LRIG1: variants seen among roughly 807,000 people sequenced by gnomAD.
The protein encoded by LRIG1 is leucine-rich repeats and immunoglobulin-like domains protein 1.
LRIG1 carries 48 observed loss-of-function variants against 99.2 expected under a neutral mutation model. That is an observed-to-expected ratio of 0.48 (90% CI 0.38 to 0.62). The LOEUF is 0.62. Among genes scored for constraint, LRIG1 ranks in the 20% least tolerant of loss-of-function variants. The probability of loss-of-function intolerance (pLI) is 0.00; values close to 1 mark genes in which losing one functional copy is unlikely to be tolerated. For synonymous variants in LRIG1, 772 were observed against 596.1 expected (o/e 1.29, Z -4.30); for missense variants, 1,646 against 1,434.4 (o/e 1.15, Z -2.38).
At chr3:66,436,783 A>G (rs999078201) in intron 3 of LRIG1, among the ~76,000 whole-genome samples, 12 of 152,124 alleles carry the variant, frequency 7.9e-5, no homozygotes, top group African/African-American at 2.7e-4. Flanking sequence ...AGTGGATTTT[A>G]TCATTCTCTA....
chr3:66,412,987 C>T lies in LRIG1; in HGVS notation c.675G>A (p.Leu225=). The T allele has an allele frequency of 6.2e-7, 1 of 1,614,244 alleles. No homozygotes were observed. The highest frequency in any genetic ancestry group is 8.5e-7 in the Non-Finnish European group (1 of 1,180,048). The stretch of plus-strand genomic sequence containing the variant: ...GCCCCTGGAAGGTGAGGCCCTCTAT[C>T]AGCCGAATCCTGTTCCGATTGAGGT... The part of the protein sequence containing the change: ...QLDLNRNRIR[L]IEGLTFQGLN... Residue 225 remains leucine, a synonymous_variant, in exon 6 of 19, where the codon CTG becomes CTA. Coordinates refer to ENST00000273261, the MANE Select transcript of LRIG1 (RefSeq NM_015541.3).
At position 66,383,110 on chromosome 3, in the gene LRIG1, T is replaced by C; in HGVS notation, c.2363A>G (p.Lys788Arg). The change falls in exon 15 of 19, where the codon AAG becomes AGG. Residue 788 changes from lysine to arginine, a missense_variant. Lys to Arg is a conservative substitution (Grantham distance 26). Transcript: ENST00000273261. The part of the protein sequence containing the change: ...LSVLPAAGCR[K>R]DGTTVGIFTI... ...GAAGATGCCTACCGTGGTCCCATCC[T>C]TCCTGCAGCCTGCTGCGGGCAGGAC... 1 of 1,614,240 alleles carries C rather than the reference T, an allele frequency of 6.2e-7. No homozygotes were observed. The highest frequency in any genetic ancestry group is 8.5e-7 in the Non-Finnish European group (1 of 1,180,028).
In LRIG1 at chr3:66,446,851, CAA is replaced by C. The variant is rs11365007; in HGVS notation, c.365+4706_365+4707del. Among the ~76,000 whole-genome samples, 8 of 125,922 alleles carry C rather than the reference CAA, an allele frequency of 6.4e-5. No homozygotes were observed. In the South Asian group the frequency reaches 7.4e-4, roughly 12 times the overall value. The allele number at this position is 125,922 out of a possible 152,430, so 82.6% of individuals were successfully genotyped here. ...TAACATGAGAGAAAAATGCTTTCCT[CAA>C]AAAAAAAAAAATTAGTTTTCAAATA... is the stretch of plus-strand genomic sequence containing the variant. On this transcript the variant is annotated intron_variant, in intron 3 of 18. Transcript: ENST00000273261.
chr3:66,464,554 T>C (rs1285851148), intron 1 of LRIG1, among the ~76,000 whole-genome samples: 1 of 152,098 alleles, frequency 6.6e-6, no homozygotes, highest in Non-Finnish European at 1.5e-5. Context: ...CAGGCCCCAT[T>C]TGGCTTGAGG....
chr3:66,472,301 C>A (rs1700615668), intron 1 of LRIG1, among the ~76,000 whole-genome samples: 1 of 52,230 alleles, frequency 1.9e-5, no homozygotes, highest in Non-Finnish European at 3.4e-5. Context: ...AAGACTCTGT[C>A]TCAAAAAAAA....
intron 1 of LRIG1, among the ~76,000 whole-genome samples, chr3:66,489,231 T>C (rs1701044764): frequency 1.3e-5 from 2 of 152,138 alleles, no homozygotes; most frequent in Non-Finnish European, 2.9e-5. Context: ...CACTCAGAAG[T>C]AGCAAACATT....
Position 66,417,145 on chromosome 3 carries a change from G to T in LRIG1, c.487C>A (p.Pro163Thr). The change falls in exon 4 of 19, where the codon CCG becomes ACG. Residue 163 changes from proline (P) to threonine (T), a missense_variant. Physicochemically the swap from Pro to Thr is conservative, Grantham distance 38. Coordinates refer to ENST00000273261, the MANE Select transcript of LRIG1 (RefSeq NM_015541.3). ...EVRNTCFPHG[P>T]PIKELNLAGN... The stretch of plus-strand genomic sequence containing the variant: ...GGCACTTACAGCTCCTTTATAGGCG[G>T]TCCGTGTGGAAAGCAGGTGTTCCGC... The T allele has an allele frequency of 6.2e-7, 1 of 1,614,148 alleles. No homozygotes were observed. Among genetic ancestry groups the T allele is most frequent in the Non-Finnish European group, 8.5e-7 (1 of 1,179,984 alleles).
chr3:66,431,587 C>T (rs1481698207), intron 3 of LRIG1, among the ~76,000 whole-genome samples: 1 of 152,200 alleles, frequency 6.6e-6, no homozygotes, highest in Non-Finnish European at 1.5e-5. Context: ...CCAAGTTCCA[C>T]AGGGACTGGT....
chr3:66,483,559 C>A (rs1700899546), intron 1 of LRIG1, among the ~76,000 whole-genome samples: 2 of 152,206 alleles, frequency 1.3e-5, no homozygotes. Context: ...TTGGCCTGGT[C>A]ATCCTTTTTG....
chr3:66,412,965 C>A lies in LRIG1; in HGVS notation c.697G>T (p.Gly233Trp), dbSNP rs780980307. ...IRLIEGLTFQGLNSLEVLKLQ... is the reference protein window; with the variant it reads ...IRLIEGLTFQWLNSLEVLKLQ... ...TTCAGCACCTCCAAGCTGTTGAGCC[C>A]CTGGAAGGTGAGGCCCTCTATCAGC... Residue 233 changes from glycine to tryptophan, a missense_variant, in exon 6 of 19, where the codon GGG becomes TGG. By Grantham distance (184) the Gly-to-Trp change is radical. Transcript: ENST00000273261. 5 of 1,614,090 alleles carry A rather than the reference C, an allele frequency of 3.1e-6. No individual in the cohort carries two copies. The African/African-American group carries it at 6.7e-5, about 22-fold the overall frequency.
chr3:66,438,482 G>A (rs1051849381), intron 3 of LRIG1, among the ~76,000 whole-genome samples: 35 of 152,136 alleles, frequency 2.3e-4, no homozygotes, highest in Admixed American at 2.0e-4. Context: ...GGGAACAGAA[G>A]TCACAAAGAG....
chr3:66,398,717 G>T (rs371083017), intron 10 of LRIG1, among the ~76,000 whole-genome samples: 41 of 152,360 alleles, frequency 2.7e-4, no homozygotes, highest in African/African-American at 9.1e-4. Context: ...CGCAGCAGGA[G>T]GGGGGAGGGT....
intron 3 of LRIG1, among the ~76,000 whole-genome samples, chr3:66,421,609 G>C: frequency 6.6e-6 from 1 of 152,300 alleles, no homozygotes; most frequent in Admixed American, 6.5e-5. Flanking sequence ...GGCTGGCGTT[G>C]AGTGTCTGCG....
intron 1 of LRIG1, among the ~76,000 whole-genome samples, chr3:66,463,589 T>A (rs1700405326): frequency 6.6e-6 from 1 of 152,220 alleles, no homozygotes; most frequent in Non-Finnish European, 1.5e-5. Flanking sequence ...GTGATCCAAA[T>A]GGGCCCTAAC....
At chr3:66,407,623 G>A (rs200110264) in intron 7 of LRIG1, 132 bp from the exon 8 acceptor site, 51 of 852,188 alleles carry the variant, frequency 6.0e-5, no homozygotes, top group Middle Eastern at 3.6e-4. Context: ...GCGCGTGCGT[G>A]CACACACACA....
At chr3:66,464,425 G>A (rs1402642993) in intron 1 of LRIG1, among the ~76,000 whole-genome samples, 2 of 151,708 alleles carry the variant, frequency 1.3e-5, no homozygotes, top group Non-Finnish European at 2.9e-5. Context: ...CGAAACAAGG[G>A]CCAGTGCAGA....
rs550656719 is a variant in LRIG1, at chr3:66,494,108, A to G, written c.218+6082T>C. Reference sequence around the variant, plus strand: ...GAGCTACTGAGGCCTTTAACCTTCAAATTGTGCTCCAGAATCATCATAAAG... The same window carrying G: ...GAGCTACTGAGGCCTTTAACCTTCAGATTGTGCTCCAGAATCATCATAAAG... On this transcript the variant is annotated intron_variant, in intron 1 of 18. Transcript: ENST00000273261. 2.7e-4 allele frequency among the ~76,000 whole-genome samples: 41 copies of G among 152,308 alleles called. No homozygotes were observed. In the South Asian group the frequency reaches 8.3e-3, roughly 31 times the overall value.
chr3:66,486,754 A>T (rs1462273036), intron 1 of LRIG1, among the ~76,000 whole-genome samples: 1 of 152,154 alleles, frequency 6.6e-6, no homozygotes, highest in Non-Finnish European at 1.5e-5. Context: ...CACTCTGCCA[A>T]TTTCACCTCA....
chr3:66,487,003 A>G (rs140358390), intron 1 of LRIG1, among the ~76,000 whole-genome samples: 66 of 152,286 alleles, frequency 4.3e-4, no homozygotes, highest in African/African-American at 1.5e-3. Context: ...TTTGCTCAAC[A>G]AAGTTTGCTT....
Sources: allele counts gnomAD v4.1 joint callset (sites outside exome capture counted in the v4.1 genomes callset), GRCh38; gene constraint gnomAD v4.1.1; transcripts MANE v1.5; gene names NCBI Gene and HGNC (gene_info 2026-07-23, HGNC 2026-07-21).